GAB3: variants seen among roughly 807,000 people sequenced by gnomAD.
The protein encoded by GAB3 is GRB2-associated-binding protein 3.
Under a neutral mutation model 40.4 loss-of-function variants are expected in GAB3, and 12 were observed. The ratio of observed to expected loss-of-function variants is 0.30; its 90% CI spans 0.19 to 0.48. The LOEUF (loss-of-function observed/expected upper bound fraction) is 0.48, where lower values mean the gene tolerates loss of function less well. Among genes scored for constraint, GAB3 ranks in the 20% least tolerant of loss-of-function variants. GAB3 has a pLI of 0.99. For synonymous variants in GAB3, 154 were observed against 176.7 expected (o/e 0.87, Z 1.02); for missense variants, 381 against 461.9 (o/e 0.82, Z 1.61).
intron 1 of GAB3, among the ~76,000 whole-genome samples, chrX:154,744,931 T>C (rs2071503607): frequency 8.9e-6 from 1 of 112,423 alleles, no homozygotes; most frequent in Admixed American, 9.4e-5. Context: ...AGAAAACCCT[T>C]GGATCAAAGA....
In GAB3 at chrX:154,730,863, G is replaced by A. The variant is rs192333037; in HGVS notation, c.73-14534C>T. Among the ~76,000 whole-genome samples the A allele has an allele frequency of 1.4e-4, 16 of 112,146 alleles. No homozygotes were observed. In the East Asian group the frequency reaches 2.8e-3, roughly 20 times the overall value. On this transcript the variant is annotated intron_variant, in intron 1 of 9. Transcript: ENST00000424127. Reference sequence around the variant, plus strand: ...GATAGAGTTGGGACTTGTCCAAGGCGTGGAATAACTTCCTGTGATTGTCCT... The same window carrying A: ...GATAGAGTTGGGACTTGTCCAAGGCATGGAATAACTTCCTGTGATTGTCCT...
intron 1 of GAB3, among the ~76,000 whole-genome samples, chrX:154,744,500 A>C (rs1557261763): frequency 8.9e-6 from 1 of 112,342 alleles, no homozygotes. Flanking sequence ...AAATGTGTAT[A>C]ACTAGAAATG....
intron 8 of GAB3, among the ~76,000 whole-genome samples, chrX:154,682,138 C>T (rs1386049531): frequency 6.3e-5 from 7 of 111,698 alleles, no homozygotes; most frequent in African/African-American, 2.3e-4. Context: ...TGTTTAAATT[C>T]TTTTTTCTGT....
chrX:154,710,438 A>C (rs1468732156), intron 4 of GAB3, among the ~76,000 whole-genome samples: 20 of 112,038 alleles, frequency 1.8e-4, no homozygotes, highest in African/African-American at 6.5e-4. Context: ...GCACTGGTGC[A>C]AGCTGGACAA....
chrX:154,712,548 G>T lies in GAB3; in HGVS notation c.750C>A (p.Ser250=). 1 of 1,183,391 alleles carries T rather than the reference G, an allele frequency of 8.5e-7. No homozygotes were observed. ...AGATCAGGGCAGCCTGAGGCCTCGA[G>T]GATGGCACCTCCTGAGCTCCACTGC... ...CHGSGAQEVP[S]SRPQAALIWS... Residue 250 remains serine (S), a synonymous_variant, in exon 4 of 10, where the codon TCC becomes TCA. Coordinates refer to ENST00000424127, the MANE Select transcript of GAB3 (RefSeq NM_001081573.3).
At chrX:154,746,005 T>A (rs1217372156) in intron 1 of GAB3, among the ~76,000 whole-genome samples, 11 of 100,423 alleles carry the variant, frequency 1.1e-4, no homozygotes, top group Admixed American at 4.5e-4. Flanking sequence ...CGAGCCAAGA[T>A]CGTGCCACTG....
intron 2 of GAB3, among the ~76,000 whole-genome samples, chrX:154,714,885 T>C (rs1257953618): frequency 1.8e-5 from 2 of 112,372 alleles, no homozygotes; most frequent in African/African-American, 3.2e-5. Context: ...AATGTCAGAC[T>C]CTAGCCAGAA....
At chrX:154,735,187 A>G (rs1557260402) in intron 1 of GAB3, among the ~76,000 whole-genome samples, 3 of 112,338 alleles carry the variant, frequency 2.7e-5, no homozygotes, top group African/African-American at 9.7e-5. Flanking sequence ...GTCATTCTTC[A>G]TAATAACTAA....
chrX:154,732,186 G>A (rs184387291), intron 1 of GAB3, among the ~76,000 whole-genome samples: 57 of 111,964 alleles, frequency 5.1e-4, no homozygotes, highest in African/African-American at 1.7e-3. Context: ...TGGGATTGTG[G>A]AAGAGTGTGT....
At position 154,677,419 on chromosome X, in the gene GAB3, T is replaced by C. The variant is rs2070311163; in HGVS notation, c.*759A>G. On this transcript the variant is annotated 3_prime_UTR_variant, in exon 10 of 10. Coordinates refer to ENST00000424127, the MANE Select transcript of GAB3 (RefSeq NM_001081573.3). ...TATTCTCTAAGCTGGACTCTGGGTC[T>C]TGGCTTTGTGAGTAATCTTGGGCAA... The C allele has an allele frequency of 8.9e-6, 1 of 112,024 alleles. No individual in the cohort carries two copies. Among genetic ancestry groups the C allele is most frequent in the Non-Finnish European group, 1.9e-5 (1 of 53,217 alleles). The allele number at this position is 112,024 out of a possible 1,213,427, so 9.2% of individuals were successfully genotyped here.
intron 8 of GAB3, among the ~76,000 whole-genome samples, chrX:154,693,359 T>C (rs1196479367): frequency 2.7e-5 from 3 of 111,785 alleles, no homozygotes; most frequent in African/African-American, 9.8e-5. Flanking sequence ...ATGTCTTCCA[T>C]GGGTGAGGGG....
At chrX:154,734,673 G>C (rs782314558) in intron 1 of GAB3, among the ~76,000 whole-genome samples, 1 of 111,992 alleles carries the variant, frequency 8.9e-6, no homozygotes, top group Non-Finnish European at 1.9e-5. Flanking sequence ...TGAGCAAGGC[G>C]CTCAGGGAGG....
intron 1 of GAB3, among the ~76,000 whole-genome samples, chrX:154,735,992 T>C: frequency 8.9e-6 from 1 of 112,255 alleles, no homozygotes; most frequent in Non-Finnish European, 1.9e-5. Flanking sequence ...CTTTCAGCTC[T>C]CTAACATGCA....
chrX:154,729,372 G>A (rs2071260214), intron 1 of GAB3, among the ~76,000 whole-genome samples: 1 of 111,864 alleles, frequency 8.9e-6, no homozygotes, highest in Non-Finnish European at 1.9e-5. Context: ...GGTTGCAAGG[G>A]AAACAGCGAA....
intron 8 of GAB3, among the ~76,000 whole-genome samples, chrX:154,685,576 AT>A (rs1369690326): frequency 3.6e-5 from 4 of 111,365 alleles, no homozygotes; most frequent in African/African-American, 9.8e-5. Flanking sequence ...TGTTTCTAAA[AT>A]TTTTATGGGA....
At chrX:154,702,357 C>A (rs2070750415) in intron 4 of GAB3, among the ~76,000 whole-genome samples, 1 of 112,265 alleles carries the variant, frequency 8.9e-6, no homozygotes, top group African/African-American at 3.2e-5. Context: ...ATACAAAAAT[C>A]AAATCTAAAT....
At chrX:154,703,465 A>G (rs1557252838) in intron 4 of GAB3, among the ~76,000 whole-genome samples, 1 of 111,243 alleles carries the variant, frequency 9.0e-6, no homozygotes, top group East Asian at 2.8e-4. Flanking sequence ...GAACACATGG[A>G]CACATAGAGG....
chrX:154,706,162 T>C, intron 4 of GAB3, among the ~76,000 whole-genome samples: 1 of 111,660 alleles, frequency 9.0e-6, no homozygotes, highest in Non-Finnish European at 1.9e-5. Flanking sequence ...GCACCTGTAA[T>C]CCTGGCACTT....
chrX:154,678,100 C>CAAAA lies in GAB3; in HGVS notation c.*74_*77dup. On this transcript the variant is annotated 3_prime_UTR_variant, in exon 10 of 10. Transcript: ENST00000424127. ...TGACCATCAGTGTGTTTTTAGTGGACAAAAAAAAAAAAAAAAGAAAAAACT... is the reference window on the plus strand; with the variant it reads ...TGACCATCAGTGTGTTTTTAGTGGACAAAAAAAAAAAAAAAAAAAAGAAAAAACT... 10 of 404,596 alleles carry CAAAA rather than the reference C, an allele frequency of 2.5e-5. No individual in the cohort carries two copies. Among genetic ancestry groups the CAAAA allele is most frequent in the Admixed American group, 9.7e-5 (2 of 20,541 alleles). 33.3% of individuals were successfully genotyped at this position (404,596 alleles called of 1,213,427 possible). A position where few individuals can be genotyped will look rare whatever the true frequency, so the allele number is the denominator to read the frequency against.
Sources: allele counts gnomAD v4.1 joint callset (sites outside exome capture counted in the v4.1 genomes callset), GRCh38; gene constraint gnomAD v4.1.1; transcripts MANE v1.5; gene names NCBI Gene and HGNC (gene_info 2026-07-23, HGNC 2026-07-21).